The following TRDN variants were observed in gnomAD, a reference collection of about 807,000 sequenced individuals.
TRDN encodes triadin, also known as triadin in skeletal muscle.
TRDN carries 161 observed loss-of-function variants against 149.7 expected under a neutral mutation model. The ratio of observed to expected loss-of-function variants is 1.08; its 90% CI spans 0.95 to 1.23. The LOEUF (loss-of-function observed/expected upper bound fraction) is 1.23, where lower values mean the gene tolerates loss of function less well. Ranked by LOEUF, TRDN falls within the 50% of genes most tolerant of loss-of-function variation. The probability of loss-of-function intolerance (pLI) is 0.00; values close to 1 mark genes in which losing one functional copy is unlikely to be tolerated. For synonymous variants in TRDN, 294 were observed against 250.5 expected, an observed-to-expected ratio of 1.17 and a Z score of -1.64; for missense variants, 896 against 823.5, an observed-to-expected ratio of 1.09 and a Z score of -1.08.
chr6:123,273,953 C>G (rs537116507), intron 27 of TRDN, among the ~76,000 whole-genome samples: 1 of 152,084 alleles, frequency 6.6e-6, no homozygotes, highest in Admixed American at 6.6e-5. Context: ...ATGCTACCTT[C>G]TAATAAAATG....
intron 20 of TRDN, among the ~76,000 whole-genome samples, chr6:123,360,024 T>C (rs534370417): frequency 6.6e-6 from 1 of 152,208 alleles, no homozygotes; most frequent in South Asian, 2.1e-4. Context: ...TAATTTATTT[T>C]TTATTATTTT....
chr6:123,629,372 T>C (rs1785850058), intron 1 of TRDN, among the ~76,000 whole-genome samples: 1 of 152,122 alleles, frequency 6.6e-6, no homozygotes, highest in Admixed American at 6.6e-5. Context: ...CCTTCTTTTG[T>C]TTTTCTCAAC....
At chr6:123,342,880 A>C (rs1162903046) in intron 21 of TRDN, among the ~76,000 whole-genome samples, 1 of 152,074 alleles carries the variant, frequency 6.6e-6, no homozygotes, top group Non-Finnish European at 1.5e-5. Flanking sequence ...ATATGTCTGA[A>C]GCAGGGACTA....
At chr6:123,360,340 A>G (rs888700441) in intron 20 of TRDN, among the ~76,000 whole-genome samples, 2 of 152,180 alleles carry the variant, frequency 1.3e-5, no homozygotes, top group African/African-American at 4.8e-5. Flanking sequence ...AGGATTAATA[A>G]TGAATTATGA....
chr6:123,516,093 A>G (rs1342589462), intron 6 of TRDN, 48 bp downstream of exon 6: 4 of 1,400,036 alleles, frequency 2.9e-6, no homozygotes, highest in African/African-American at 2.9e-5. Context: ...TAGGAAGTCA[A>G]TGGGAAAGGA....
intron 9 of TRDN, among the ~76,000 whole-genome samples, chr6:123,483,455 A>G (rs1202647902): frequency 2.6e-5 from 4 of 152,008 alleles, no homozygotes; most frequent in East Asian, 1.9e-4. Context: ...TTCCTCCCCT[A>G]TTTGGGATGA....
intron 20 of TRDN, among the ~76,000 whole-genome samples, chr6:123,360,703 AAGAGAGAGAGAGAGACGGAGAG>A (rs1780863543): frequency 8.8e-6 from 1 of 114,242 alleles, no homozygotes; most frequent in African/African-American, 4.4e-5. Flanking sequence ...GACAGAGAGA[AAGAGAGAGAGAGAGACGGAGAG>A]AGAGAGAGAG....
At chr6:123,620,645 C>T (rs1570185) in intron 1 of TRDN, among the ~76,000 whole-genome samples, 37,476 of 151,940 alleles carry the variant, frequency 0.25, 4,800 homozygotes, top group East Asian at 0.43. Context: ...AGGCTTTCCA[C>T]CTCAGTAAAA....
intron 1 of TRDN, among the ~76,000 whole-genome samples, chr6:123,614,270 C>T (rs75546616): frequency 0.052 from 6,811 of 131,170 alleles, 670 homozygotes; most frequent in African/African-American, 0.19. Flanking sequence ...AGAATGTTAC[C>T]GTGGGAAAGT....
intron 20 of TRDN, among the ~76,000 whole-genome samples, chr6:123,363,230 C>T (rs1317358512): frequency 6.6e-6 from 1 of 151,982 alleles, no homozygotes; most frequent in Non-Finnish European, 1.5e-5. Context: ...ATGTGAAAGG[C>T]TAGAGGTGGA....
chr6:123,423,448 T>G (rs1353601853), intron 12 of TRDN, among the ~76,000 whole-genome samples: 1 of 152,142 alleles, frequency 6.6e-6, no homozygotes, highest in Non-Finnish European at 1.5e-5. Flanking sequence ...TTTCCTCCTA[T>G]AAGAAGTCGT....
At chr6:123,415,971 T>TGCTG (rs1773633176) in intron 12 of TRDN, among the ~76,000 whole-genome samples, 1 of 152,214 alleles carries the variant, frequency 6.6e-6, no homozygotes, top group Admixed American at 6.5e-5. Flanking sequence ...GTTTTAGCAC[T>TGCTG]GCTGGGCCTA....
intron 8 of TRDN, among the ~76,000 whole-genome samples, chr6:123,501,308 G>A (rs1038001159): frequency 1.3e-5 from 2 of 151,178 alleles, no homozygotes; most frequent in African/African-American, 4.9e-5. Flanking sequence ...TTAAAAAGAA[G>A]TATTTAGAAA....
At chr6:123,350,069 T>C in intron 21 of TRDN, 1 of 982,248 alleles carries the variant, frequency 1.0e-6, no homozygotes, top group Non-Finnish European at 1.2e-6. Flanking sequence ...TGAACTCTGA[T>C]ACATTTATGA....
chr6:123,290,887 T>C (rs1487747297), intron 24 of TRDN, among the ~76,000 whole-genome samples: 1 of 152,198 alleles, frequency 6.6e-6, no homozygotes, highest in East Asian at 1.9e-4. Flanking sequence ...CTGGGTGCAG[T>C]GGATCACAAC....
chr6:123,295,212 T>C (rs1778151526), intron 24 of TRDN, among the ~76,000 whole-genome samples: 1 of 152,170 alleles, frequency 6.6e-6, no homozygotes, highest in Non-Finnish European at 1.5e-5. Flanking sequence ...GACTCAGTGA[T>C]GACTACTCCT....
At chr6:123,265,583 A>G (rs1010640358) in intron 32 of TRDN, among the ~76,000 whole-genome samples, 7 of 151,062 alleles carry the variant, frequency 4.6e-5, no homozygotes, top group African/African-American at 1.7e-4. Context: ...ATTCCTGTAA[A>G]CCTCATATTT....
chr6:123,426,172 C>T (rs917305937), intron 12 of TRDN, among the ~76,000 whole-genome samples: 2 of 152,058 alleles, frequency 1.3e-5, no homozygotes, highest in Admixed American at 6.6e-5. Context: ...AGATGAAGTA[C>T]ATGGTTGGAT....
chr6:123,499,048 C>T (rs913016993), intron 8 of TRDN, among the ~76,000 whole-genome samples: 1 of 151,984 alleles, frequency 6.6e-6, no homozygotes, highest in South Asian at 2.1e-4. Flanking sequence ...TTAGATGAAT[C>T]TAATTAGACT....
Sources: allele counts gnomAD v4.1 joint callset (sites outside exome capture counted in the v4.1 genomes callset), GRCh38; gene constraint gnomAD v4.1.1; transcripts MANE v1.5; gene names NCBI Gene and HGNC (gene_info 2026-07-23, HGNC 2026-07-21).